Variants in CEP76 observed in about 807,000 individuals in gnomAD.
CEP76 encodes centrosomal protein of 76 kDa.
In CEP76, 55 loss-of-function variants were observed where a neutral mutation model predicts 83.3. The observed-to-expected ratio is 0.66, with a 90% CI of 0.53 to 0.83. CEP76 has a LOEUF of 0.83. Ranked by LOEUF, CEP76 falls within the 40% of genes least tolerant of loss-of-function variation. The pLI is 0.00. For missense variants in CEP76, 694 were observed against 799.5 expected (o/e 0.87, Z 1.59); for synonymous variants, 270 against 274.5 (o/e 0.98, Z 0.16).
At chr18:12,670,049 G>A (rs1192980503), downstream of CEP76, among the ~76,000 whole-genome samples, 1 of 151,772 alleles carries the variant, frequency 6.6e-6, no homozygotes, top group African/African-American at 2.4e-5. Context: ...AGAAGAATAG[G>A]CCAGGTGCGA....
intron 5 of CEP76, among the ~76,000 whole-genome samples, chr18:12,695,852 C>CCACACA (rs375916938): frequency 0.014 from 2,084 of 148,362 alleles, 21 homozygotes; most frequent in East Asian, 0.036. Flanking sequence ...CATTCCTTCT[C>CCACACA]CACACACACA....
At chr18:12,701,533 C>T (rs1466519834) in intron 1 of CEP76, among the ~76,000 whole-genome samples, 2 of 152,018 alleles carry the variant, frequency 1.3e-5, no homozygotes, top group Non-Finnish European at 2.9e-5. Flanking sequence ...GTTTCGTCAC[C>T]GATAAGAATG....
intron 5 of CEP76, among the ~76,000 whole-genome samples, chr18:12,696,381 T>C (rs1027204107): frequency 1.3e-5 from 2 of 152,062 alleles, no homozygotes; most frequent in Admixed American, 1.3e-4. Flanking sequence ...TGCATGCCTG[T>C]AGTCCCAGCT....
intron 1 of CEP76, among the ~76,000 whole-genome samples, chr18:12,701,707 G>A (rs1217519902): frequency 1.3e-5 from 2 of 152,114 alleles, no homozygotes; most frequent in African/African-American, 4.8e-5. Flanking sequence ...TTCTTCTGGA[G>A]CTCCGAAATA....
At chr18:12,671,332 G>A (rs940163571), downstream of CEP76, among the ~76,000 whole-genome samples, 9 of 152,024 alleles carry the variant, frequency 5.9e-5, no homozygotes, top group Non-Finnish European at 1.3e-4. Flanking sequence ...GTGATTAAAA[G>A]AATTAATAAC....
chr18:12,701,620 C>T (rs2040152252), intron 1 of CEP76, among the ~76,000 whole-genome samples: 1 of 152,182 alleles, frequency 6.6e-6, no homozygotes, highest in Non-Finnish European at 1.5e-5. Flanking sequence ...GCCTGGCACA[C>T]AAGGGCACCA....
downstream of CEP76, among the ~76,000 whole-genome samples, chr18:12,672,269 C>T (rs1371467733): frequency 6.6e-6 from 1 of 151,950 alleles, no homozygotes; most frequent in Non-Finnish European, 1.5e-5. Flanking sequence ...TGTGAGCCAC[C>T]GCACCCGGCC....
chr18:12,674,633 C>A lies in CEP76; in HGVS notation c.1744G>T (p.Ala582Ser). 6 of 1,613,938 alleles carry A rather than the reference C, an allele frequency of 3.7e-6. No homozygotes were observed. The highest frequency in any genetic ancestry group is 5.1e-6 in the Non-Finnish European group (6 of 1,179,906). Residue 582 changes from alanine to serine, a missense_variant, in exon 11 of 12, where the codon GCC (alanine) becomes TCC (serine). Transcript: ENST00000262127. ...CCATCAGGTACAGCCCTTCTTATGGCATCTTGAAATTCTTCATTGCCTGCT... is the reference window on the plus strand; with the variant it reads ...CCATCAGGTACAGCCCTTCTTATGGAATCTTGAAATTCTTCATTGCCTGCT... ...ISAGNEEFQD[A>S]IRRAVPDGHT...
intron 9 of CEP76, among the ~76,000 whole-genome samples, chr18:12,680,391 T>A (rs2039302672): frequency 6.6e-6 from 1 of 151,032 alleles, no homozygotes; most frequent in African/African-American, 2.4e-5. Context: ...AGGTCAGGAG[T>A]TCGAGACCAG....
chr18:12,686,349 G>T lies in CEP76; in HGVS notation c.1035C>A (p.Val345=). ...TPRQAARFVN[V]LGYERAPVIG... is the part of the protein sequence containing the mutation. ...TAACAGGGGCTCGTTCATAACCAAGGACATTAACAAATCTTGCTGCTTGCC... is the reference window on the plus strand; with the variant it reads ...TAACAGGGGCTCGTTCATAACCAAGTACATTAACAAATCTTGCTGCTTGCC... The change falls in exon 8 of 12, where the codon GTC becomes GTA. Residue 345 remains valine (V), a synonymous_variant. Coordinates refer to ENST00000262127, the MANE Select transcript of CEP76 (RefSeq NM_024899.4). 6.2e-7 allele frequency: 1 copy of T among 1,614,048 alleles called. No individual in the cohort carries two copies. Among genetic ancestry groups the T allele is most frequent in the Non-Finnish European group, 8.5e-7 (1 of 1,179,966 alleles).
In CEP76 at chr18:12,691,585, C is replaced by A. The variant is rs2039764736; in HGVS notation, c.805-98G>T. On this transcript the variant is annotated intron_variant, in intron 6 of 11. Coordinates refer to ENST00000262127, the MANE Select transcript of CEP76 (RefSeq NM_024899.4). ...ATCTACTTCTCTACATCATTACCAC[C>A]CTAATCTGAGTCATCATCATCTTCT... The A allele has an allele frequency of 4.3e-5, 36 of 829,362 alleles. 1 individual carries two copies. The South Asian group carries it at 7.0e-4, about 16-fold the overall frequency. The allele number at this position is 829,362 out of a possible 1,614,324, so 51.4% of individuals were successfully genotyped here.
At chr18:12,669,237 C>T (rs1021788388), downstream of CEP76, among the ~76,000 whole-genome samples, 2 of 151,602 alleles carry the variant, frequency 1.3e-5, no homozygotes, top group Admixed American at 6.6e-5. Context: ...CTCAGCCTCC[C>T]GAGTAGCTGG....
chr18:12,691,327 G>C, intron 7 of CEP76, 32 bp downstream of exon 7: 1 of 1,410,400 alleles, frequency 7.1e-7, no homozygotes. Context: ...CTCAAATACA[G>C]GCATAAAATT....
At chr18:12,664,239 C>G (rs1598602595) in intron 12 of CEP76, among the ~76,000 whole-genome samples, 1 of 152,216 alleles carries the variant, frequency 6.6e-6, no homozygotes, top group Admixed American at 6.6e-5. Context: ...CCACACCCCG[C>G]TAATTTTTTA....
At chr18:12,681,979 G>C (rs1437000538) in intron 8 of CEP76, among the ~76,000 whole-genome samples, 1 of 150,632 alleles carries the variant, frequency 6.6e-6, no homozygotes, top group African/African-American at 2.4e-5. Context: ...CTGGACAACA[G>C]AGTGAGACTC....
intron 12 of CEP76, among the ~76,000 whole-genome samples, chr18:12,667,587 C>T (rs1270145759): frequency 1.3e-5 from 2 of 151,270 alleles, no homozygotes; most frequent in Non-Finnish European, 1.5e-5. Context: ...TGGTGAAACC[C>T]CCGTCTCTAG....
At chr18:12,691,649 CT>C (rs2039767294) in intron 6 of CEP76, among the ~76,000 whole-genome samples, 162 bp from the exon 7 acceptor site, 1 of 152,104 alleles carries the variant, frequency 6.6e-6, no homozygotes, top group Non-Finnish European at 1.5e-5. Flanking sequence ...ACACTTACCC[CT>C]AGTACAATCC....
Position 12,673,251 on chromosome 18 carries a change from T to C in CEP76, c.*114A>G. The C allele has an allele frequency of 6.9e-7, 1 of 1,445,306 alleles. No homozygotes were observed. The highest frequency in any genetic ancestry group is 9.1e-7 in the Non-Finnish European group (1 of 1,103,024). The allele number at this position is 1,445,306 out of a possible 1,614,324, so 89.5% of individuals were successfully genotyped here. ...GTCAAGTATATACAAAATTGAAGTA[T>C]GCCATTCAAGCCAGATTGTGATTTT... On this transcript the variant is annotated 3_prime_UTR_variant, in exon 12 of 12. Transcript: ENST00000262127.
intron 8 of CEP76, among the ~76,000 whole-genome samples, chr18:12,681,914 T>C (rs1734259158): frequency 6.6e-6 from 1 of 151,792 alleles, no homozygotes; most frequent in South Asian, 2.1e-4. Context: ...GAGAATCGCT[T>C]GAACCTGGGA....
Sources: allele counts gnomAD v4.1 joint callset (sites outside exome capture counted in the v4.1 genomes callset), GRCh38; gene constraint gnomAD v4.1.1; transcripts MANE v1.5; gene names NCBI Gene and HGNC (gene_info 2026-07-23, HGNC 2026-07-21).